The following POLR3C variants were observed in gnomAD, a reference collection of about 807,000 sequenced individuals.
POLR3C encodes RNA polymerase III subunit C, also known as DNA-directed RNA polymerase III subunit RPC3.
Under a neutral mutation model 65.9 loss-of-function variants are expected in POLR3C, and 44 were observed. The observed-to-expected ratio is 0.67, with a 90% CI of 0.52 to 0.86. The LOEUF (loss-of-function observed/expected upper bound fraction) is 0.86, where lower values mean the gene tolerates loss of function less well. Ranked by LOEUF, POLR3C falls within the 40% of genes least tolerant of loss-of-function variation. The pLI is 0.00. For synonymous variants in POLR3C, 263 were observed against 231.6 expected, an observed-to-expected ratio of 1.14 and a Z score of -1.23; for missense variants, 576 against 653.2, an observed-to-expected ratio of 0.88 and a Z score of 1.29.
Position 145,837,517 on chromosome 1 carries a change from C to T in POLR3C, c.1010-19C>T, listed in dbSNP as rs1553729067. 2.0e-6 allele frequency: 3 copies of T among 1,488,614 alleles called. No individual in the cohort carries two copies. Among genetic ancestry groups the T allele is most frequent in the East Asian group, 4.6e-5 (2 of 43,478 alleles). 92.2% of individuals were successfully genotyped at this position (1,488,614 alleles called of 1,614,324 possible). A position where few individuals can be genotyped will look rare whatever the true frequency, so the allele number is the denominator to read the frequency against. ...CTAGGCCAAAACATTACTGAGTGAC[C>T]TTAATTCTCTACATAAAGACCTCCA... On this transcript the variant is annotated intron_variant, in intron 9 of 14. Transcript: ENST00000334163.
At chr1:145,825,665 C>T (rs1029546082) in intron 1 of POLR3C, 92 bp from the exon 2 acceptor site, 2 of 654,360 alleles carry the variant, frequency 3.1e-6, no homozygotes, top group Non-Finnish European at 5.0e-6. Context: ...TGTCAAATTG[C>T]CCTCCAGAAA....
rs587633100 is a variant in POLR3C at position 145,827,133 on chromosome 1, A to G, written c.589+128A>G. 8 of 789,614 alleles carry G rather than the reference A, an allele frequency of 1.0e-5. No homozygotes were observed. In the East Asian group the frequency reaches 1.7e-4, roughly 17 times the overall value. The allele number at this position is 789,614 out of a possible 1,614,324, so 48.9% of individuals were successfully genotyped here. ...GTGCCAGACATCGTGGTGTATAACAATGAAAAAATCATGGTCTCTGCCATG... is the reference window on the plus strand; with the variant it reads ...GTGCCAGACATCGTGGTGTATAACAGTGAAAAAATCATGGTCTCTGCCATG... On this transcript the variant is annotated intron_variant, in intron 4 of 14. Transcript: ENST00000334163.
chr1:145,841,025 G>C lies in POLR3C; in HGVS notation c.1477G>C (p.Ala493Pro). 1 of 1,612,474 alleles carries C rather than the reference G, an allele frequency of 6.2e-7. No individual in the cohort carries two copies. Among genetic ancestry groups the C allele is most frequent in the South Asian group, 1.1e-5 (1 of 91,046 alleles). ...QLQEIEEMIT[A>P]PERQQLETLK... ...ACAAGAAATAGAGGAGATGATCACA[G>C]CTCCTGAACGTCAGCAGCTAGAGAC... The change falls in exon 14 of 15, where the codon GCT becomes CCT. Residue 493 changes from alanine (A) to proline (P), a missense_variant. Ala to Pro is a conservative substitution (Grantham distance 27, BLOSUM62 -1). Transcript: ENST00000334163.
chr1:145,841,166 TA>T, intron 14 of POLR3C, 95 bp downstream of exon 14: 1 of 989,260 alleles, frequency 1.0e-6, no homozygotes, highest in Non-Finnish European at 1.6e-6. Context: ...TGAGCAAACC[TA>T]AACTCACTGT....
rs57887653 is a variant in POLR3C, at chr1:145,831,514, C to CAA, written c.679-1730_679-1729dup. 3.4e-3 allele frequency among the ~76,000 whole-genome samples: 313 copies of CAA among 92,708 alleles called. 1 individual carries two copies. The highest frequency in any genetic ancestry group is 0.013 in the African/African-American group (291 of 22,688). 60.8% of individuals were successfully genotyped at this position (92,708 alleles called of 152,430 possible). A position where few individuals can be genotyped will look rare whatever the true frequency, so the allele number is the denominator to read the frequency against. The stretch of plus-strand genomic sequence containing the variant: ...TGGGCGAAAGAGCAAAACTCCATCT[C>CAA]AAAAAAAAAAAAAAAAAGAGAGAGT... On this transcript the variant is annotated intron_variant, in intron 5 of 14. Transcript: ENST00000334163.
In POLR3C at chr1:145,843,604, A is replaced by G. The variant is rs1241094125; in HGVS notation, c.*1184A>G. 6.6e-6 allele frequency among the ~76,000 whole-genome samples: 1 copy of G among 152,208 alleles called. No homozygotes were observed. Among genetic ancestry groups the G allele is most frequent in the African/African-American group, 2.4e-5 (1 of 41,446 alleles). On this transcript the variant is annotated 3_prime_UTR_variant, in exon 15 of 15. Coordinates refer to ENST00000334163, the MANE Select transcript of POLR3C (RefSeq NM_006468.8). ...AAAGATTAATAAATTTTGAGCATAC[A>G]GTCTAGTAGGAGGAGACAAATAAGT...
rs940203244 is a variant in POLR3C at position 145,843,198 on chromosome 1, A to G, written c.*778A>G. ...CATTTGCCAGCTCCAGGCTTCTAACACATCTGAAACTGTGTATGTAGAACA... is the reference window on the plus strand; with the variant it reads ...CATTTGCCAGCTCCAGGCTTCTAACGCATCTGAAACTGTGTATGTAGAACA... On this transcript the variant is annotated 3_prime_UTR_variant, in exon 15 of 15. Transcript: ENST00000334163. Among the ~76,000 whole-genome samples the G allele has an allele frequency of 5.8e-5, 8 of 138,690 alleles. No homozygotes were observed. Among genetic ancestry groups the G allele is most frequent in the African/African-American group, 2.0e-4 (8 of 40,340 alleles). The allele number at this position is 138,690 out of a possible 152,430, so 91.0% of individuals were successfully genotyped here. A position where few individuals can be genotyped will look rare whatever the true frequency, so the allele number is the denominator to read the frequency against.
At position 145,836,553 on chromosome 1, in the gene POLR3C, C is replaced by A; in HGVS notation, c.936C>A (p.Leu312=). 1 of 1,605,618 alleles carries A rather than the reference C, an allele frequency of 6.2e-7. No homozygotes were observed. Among genetic ancestry groups the A allele is most frequent in the Non-Finnish European group, 8.5e-7 (1 of 1,172,336 alleles). Reference sequence around the variant, plus strand: ...CTAAGCAAGTTCTTGATCAGTATCTCACTCTGCTGGCAGATGATCCAGTAA... The same window carrying A: ...CTAAGCAAGTTCTTGATCAGTATCTAACTCTGCTGGCAGATGATCCAGTAA... ...NISKQVLDQY[L]TLLADDPLEF... Residue 312 remains leucine (L), a synonymous_variant, in exon 8 of 15, where the codon CTC becomes CTA. Coordinates refer to ENST00000334163, the MANE Select transcript of POLR3C (RefSeq NM_006468.8).
chr1:145,831,159 C>G (rs1333610255), intron 5 of POLR3C, among the ~76,000 whole-genome samples: 1 of 151,430 alleles, frequency 6.6e-6, no homozygotes, highest in Non-Finnish European at 1.5e-5. Flanking sequence ...CAAAACAGAA[C>G]AGTTTGGGGA....
rs1198222277 is a variant in POLR3C at position 145,844,121 on chromosome 1, A to C, written c.*1701A>C. ...GACTACAGAGGTTCCTCAAAAAACT[A>C]AAAACAGAACTATGCTCCAGCAGTT... On this transcript the variant is annotated 3_prime_UTR_variant, in exon 15 of 15. Coordinates refer to ENST00000334163, the MANE Select transcript of POLR3C (RefSeq NM_006468.8). Among the ~76,000 whole-genome samples, 1 of 152,210 alleles carries C rather than the reference A, an allele frequency of 6.6e-6. No homozygotes were observed. The highest frequency in any genetic ancestry group is 2.4e-5 in the African/African-American group (1 of 41,448).
At chr1:145,837,182 C>T (rs1046514619) in intron 9 of POLR3C, among the ~76,000 whole-genome samples, 7 of 152,082 alleles carry the variant, frequency 4.6e-5, no homozygotes, top group Non-Finnish European at 1.0e-4. Context: ...ACGATGCATG[C>T]TTGTAGTCCA....
chr1:145,837,495 G>A (rs1553729057), intron 9 of POLR3C, 41 bp from the exon 10 acceptor site: 4 of 1,092,606 alleles, frequency 3.7e-6, no homozygotes, highest in South Asian at 1.5e-5. Context: ...ACAATAACTA[G>A]GCCAAAACAT....
At chr1:145,833,127 A>G (rs1410038822) in intron 5 of POLR3C, 133 bp from the exon 6 acceptor site, 4 of 592,942 alleles carry the variant, frequency 6.7e-6, no homozygotes, top group Non-Finnish European at 1.2e-5. Flanking sequence ...ACCAGTCTAC[A>G]TGACTGAATG....
rs1652246286 is a variant in POLR3C, at chr1:145,840,979, T to C, written c.1431T>C (p.Thr477=). 1 of 1,612,550 alleles carries C rather than the reference T, an allele frequency of 6.2e-7. No homozygotes were observed. Among genetic ancestry groups the C allele is most frequent in the Non-Finnish European group, 8.5e-7 (1 of 1,178,626 alleles). The change falls in exon 14 of 15, where the codon ACT becomes ACC. Residue 477 remains threonine (T), a synonymous_variant. Transcript: ENST00000334163. ...VEAIIASMQA[T]GAEEAQLQEI... ...CCATCATTGCATCTATGCAGGCTAC[T>C]GGTGCAGAGGAAGCACAGTTACAAG...
chr1:145,841,218 T>C, intron 14 of POLR3C, 147 bp downstream of exon 14: 2 of 685,640 alleles, frequency 2.9e-6, no homozygotes, highest in Non-Finnish European at 5.1e-6. Context: ...CACCTATTTT[T>C]GTAAACTAGC....
Position 145,842,373 on chromosome 1 carries a change from A to G in POLR3C, c.1558A>G (p.Ile520Val). 6.2e-7 allele frequency: 1 copy of G among 1,612,284 alleles called. No homozygotes were observed. Among genetic ancestry groups the G allele is most frequent in the Non-Finnish European group, 8.5e-7 (1 of 1,178,816 alleles). Residue 520 changes from isoleucine (I) to valine (V), a missense_variant, in exon 15 of 15, where the codon ATC becomes GTC. Ile to Val is a conservative substitution (Grantham distance 29, BLOSUM62 3). Transcript: ENST00000334163. ...DASEIQVDET[I>V]FLLESYIECT... Reference sequence around the variant, plus strand: ...CAGTGAGATCCAGGTGGACGAAACCATCTTCCTGCTGGAGTCTTACATTGA... The same window carrying G: ...CAGTGAGATCCAGGTGGACGAAACCGTCTTCCTGCTGGAGTCTTACATTGA...
At chr1:145,837,783 C>G (rs187673233) in intron 10 of POLR3C, among the ~76,000 whole-genome samples, 187 bp downstream of exon 10, 3 of 152,170 alleles carry the variant, frequency 2.0e-5, no homozygotes, top group African/African-American at 4.8e-5. Flanking sequence ...TAATTCCTAC[C>G]GATGCAAATT....
In POLR3C at chr1:145,839,875, C is replaced by G; in HGVS notation, c.1222-15C>G. On this transcript the variant is annotated splice_polypyrimidine_tract_variant and intron_variant, in intron 11 of 14. Coordinates refer to ENST00000334163, the MANE Select transcript of POLR3C (RefSeq NM_006468.8). ...AGTATAATTTCTGCTATTTTTCTTT[C>G]TATTGGACAAATAGGAAATTCCCAA... The G allele has an allele frequency of 7.1e-7, 1 of 1,406,270 alleles. No homozygotes were observed. The highest frequency in any genetic ancestry group is 1.0e-6 in the Non-Finnish European group (1 of 990,926). 87.1% of individuals were successfully genotyped at this position (1,406,270 alleles called of 1,614,324 possible). A position where few individuals can be genotyped will look rare whatever the true frequency, so the allele number is the denominator to read the frequency against.
intron 5 of POLR3C, among the ~76,000 whole-genome samples, chr1:145,831,139 T>C (rs1553727075): frequency 6.6e-6 from 1 of 151,722 alleles, no homozygotes; most frequent in Non-Finnish European, 1.5e-5. Context: ...TGTAGTTACC[T>C]GAAAACTTAC....
Sources: gnomAD v4.1 joint callset for allele counts (sites outside exome capture counted in the v4.1 genomes callset) on GRCh38, gnomAD v4.1.1 for gene constraint, MANE v1.5 for transcripts, NCBI Gene and HGNC (gene_info 2026-07-23, HGNC 2026-07-21) for gene names.